Variants in ITPRID1 observed in about 807,000 individuals in gnomAD.
ITPRID1 encodes protein ITPRID1.
ITPRID1 carries 96 observed loss-of-function variants against 95.4 expected under a neutral mutation model. That is an observed-to-expected ratio of 1.01 (90% CI 0.85 to 1.19). ITPRID1 has a LOEUF of 1.19. ITPRID1 is among the 50% of genes most tolerant of loss of function. ITPRID1 has a pLI of 0.00. For synonymous variants in ITPRID1, 510 were observed against 453.6 expected (o/e 1.12, Z -1.58); for missense variants, 1,339 against 1,252.9 (o/e 1.07, Z -1.04).
downstream of ITPRID1, chr7:31,658,181 T>C: frequency 8.5e-7 from 1 of 1,171,874 alleles, no homozygotes; most frequent in Non-Finnish European, 1.2e-6. Context: ...TAGATTTGTG[T>C]AAGGATATTC....
intron 1 of ITPRID1, among the ~76,000 whole-genome samples, chr7:31,515,526 G>T (rs1783016286): frequency 6.6e-6 from 1 of 152,054 alleles, no homozygotes. Context: ...AGTGAGCTGA[G>T]ATATCACCAT....
intron 1 of ITPRID1, among the ~76,000 whole-genome samples, chr7:31,528,723 G>A (rs1783498804): frequency 6.6e-6 from 1 of 152,110 alleles, no homozygotes; most frequent in Non-Finnish European, 1.5e-5. Flanking sequence ...TAGAGGAAGA[G>A]GAAAGAGTTG....
At chr7:31,605,917 C>G (rs1272270464) in intron 10 of ITPRID1, among the ~76,000 whole-genome samples, 1 of 152,170 alleles carries the variant, frequency 6.6e-6, no homozygotes, top group African/African-American at 2.4e-5. Flanking sequence ...ATGATGATAT[C>G]TGACATGGTC....
chr7:31,615,758 T>A (rs28791), intron 10 of ITPRID1, among the ~76,000 whole-genome samples: 71,278 of 150,876 alleles, frequency 0.47, 17,925 homozygotes, highest in Non-Finnish European at 0.55. Flanking sequence ...AATTCTTTTT[T>A]TTTTTTTTTT....
At position 31,586,673 on chromosome 7, in the gene ITPRID1, T is replaced by C. The variant is rs550545937; in HGVS notation, c.1228+3482T>C. 2.0e-5 allele frequency among the ~76,000 whole-genome samples: 3 copies of C among 152,312 alleles called. No individual in the cohort carries two copies. In the South Asian group the frequency reaches 6.2e-4, roughly 32 times the overall value. ...GTGTCTGTTCATGTCCTTCACCCAC[T>C]TTTTGATGGGGTTGTCTGTTTTTTT... On this transcript the variant is annotated intron_variant, in intron 10 of 14. Coordinates refer to ENST00000615280, the MANE Select transcript of ITPRID1 (RefSeq NM_001257967.3).
At chr7:31,539,231 C>T (rs1325029554) in intron 1 of ITPRID1, among the ~76,000 whole-genome samples, 1 of 152,172 alleles carries the variant, frequency 6.6e-6, no homozygotes, top group East Asian at 1.9e-4. Context: ...GTTGCCCAGG[C>T]TGGAGTGCAG....
chr7:31,599,690 C>CTCTCTCTCTCTCTCTCTT (rs1180791810), intron 10 of ITPRID1, among the ~76,000 whole-genome samples: 4 of 106,644 alleles, frequency 3.8e-5, no homozygotes, highest in African/African-American at 1.8e-4. Context: ...CTCTCTCTCT[C>CTCTCTCTCTCTCTCTCTT]TCTTTCTTTC....
chr7:31,614,456 G>T (rs968689817), intron 10 of ITPRID1, among the ~76,000 whole-genome samples: 1 of 152,096 alleles, frequency 6.6e-6, no homozygotes, highest in Non-Finnish European at 1.5e-5. Context: ...CCCATTATGT[G>T]TCCAGGGCTT....
chr7:31,615,832 C>T (rs1292501816), intron 10 of ITPRID1, among the ~76,000 whole-genome samples: 1 of 151,230 alleles, frequency 6.6e-6, no homozygotes, highest in African/African-American at 2.4e-5. Context: ...TGGCTCACTG[C>T]AAGCTCTGCC....
Position 31,612,962 on chromosome 7 carries a change from G to GT in ITPRID1, c.1229-29210dup, listed in dbSNP as rs540936879. On this transcript the variant is annotated intron_variant, in intron 10 of 14. Transcript: ENST00000615280. ...GCTATAATATTAAACAATTACCATT[G>GT]TTTTAAACATACACCCTGCTGGTAT... Among the ~76,000 whole-genome samples the GT allele has an allele frequency of 8.5e-5, 13 of 152,244 alleles. No homozygotes were observed. In the East Asian group the frequency reaches 1.7e-3, roughly 20 times the overall value.
intron 10 of ITPRID1, among the ~76,000 whole-genome samples, chr7:31,629,970 A>C (rs1259902207): frequency 2.6e-5 from 4 of 152,188 alleles, no homozygotes; most frequent in Admixed American, 2.6e-4. Flanking sequence ...AATATCATGA[A>C]TATTTTTAAA....
At chr7:31,623,817 G>C (rs887045676) in intron 10 of ITPRID1, among the ~76,000 whole-genome samples, 2 of 152,146 alleles carry the variant, frequency 1.3e-5, no homozygotes, top group African/African-American at 2.4e-5. Context: ...ATTAGGAAAA[G>C]AGCAAGTCAA....
At chr7:31,652,474 A>G (rs1474952011) in intron 14 of ITPRID1, 44 bp from the exon 15 acceptor site, 3 of 1,532,166 alleles carry the variant, frequency 2.0e-6, no homozygotes, top group Non-Finnish European at 2.6e-6. Context: ...TTTGGTGCCA[A>G]TGTGATGTGC....
chr7:31,562,766 T>G (rs769485560), intron 5 of ITPRID1, among the ~76,000 whole-genome samples: 4 of 152,186 alleles, frequency 2.6e-5, no homozygotes, highest in Non-Finnish European at 5.9e-5. Flanking sequence ...TCTCATTATA[T>G]TCCTAGTTCT....
At position 31,522,606 on chromosome 7, in the gene ITPRID1, G is replaced by A. The variant is rs546627796; in HGVS notation, c.-98+8486G>A. Among the ~76,000 whole-genome samples the A allele has an allele frequency of 2.0e-5, 3 of 152,286 alleles. No individual in the cohort carries two copies. In the South Asian group the frequency reaches 6.2e-4, roughly 32 times the overall value. ...TTCTTTCGAGGATCCTTTTTACCCAGTATCAGTCTGTCATGGAAATCTCCT... is the reference window on the plus strand; with the variant it reads ...TTCTTTCGAGGATCCTTTTTACCCAATATCAGTCTGTCATGGAAATCTCCT... On this transcript the variant is annotated intron_variant, in intron 1 of 14. Coordinates refer to ENST00000615280, the MANE Select transcript of ITPRID1 (RefSeq NM_001257967.3).
At chr7:31,620,426 A>G (rs1335683666) in intron 10 of ITPRID1, among the ~76,000 whole-genome samples, 1 of 151,830 alleles carries the variant, frequency 6.6e-6, no homozygotes, top group Non-Finnish European at 1.5e-5. Flanking sequence ...CAGAGGAACG[A>G]TCAGACAGCA....
intron 1 of ITPRID1, among the ~76,000 whole-genome samples, chr7:31,546,407 G>C (rs1373443183): frequency 6.6e-6 from 1 of 152,040 alleles, no homozygotes; most frequent in African/African-American, 2.4e-5. Flanking sequence ...TTGTGTGTGT[G>C]TGTGTGTGTG....
chr7:31,591,078 A>G (rs1010605454), intron 10 of ITPRID1, among the ~76,000 whole-genome samples: 1 of 152,174 alleles, frequency 6.6e-6, no homozygotes, highest in African/African-American at 2.4e-5. Context: ...GAGAACATCA[A>G]CACTGACTGT....
At chr7:31,657,705 A>G (rs1258847061), downstream of ITPRID1, among the ~76,000 whole-genome samples, 3 of 152,132 alleles carry the variant, frequency 2.0e-5, no homozygotes, top group Non-Finnish European at 4.4e-5. Context: ...TGCATTGACC[A>G]TATTCAACAT....
Sources: gnomAD v4.1 joint callset for allele counts (sites outside exome capture counted in the v4.1 genomes callset) on GRCh38, gnomAD v4.1.1 for gene constraint, MANE v1.5 for transcripts, NCBI Gene and HGNC (gene_info 2026-07-23, HGNC 2026-07-21) for gene names.